POLR2K: variants seen among roughly 807,000 people sequenced by gnomAD.
POLR2K encodes DNA-directed RNA polymerases I, II, and III subunit RPABC4.
In POLR2K, 9 loss-of-function variants were observed where a neutral mutation model predicts 10.1. The ratio of observed to expected loss-of-function variants is 0.89; its 90% CI spans 0.54 to 1.56. The LOEUF is 1.56. Among genes scored for constraint, POLR2K ranks in the 40% most tolerant of loss-of-function variants. The pLI is 0.00. For missense variants in POLR2K, 53 were observed against 71.9 expected (o/e 0.74, Z 0.95); for synonymous variants, 19 against 20.3 (o/e 0.94, Z 0.17).
At chr8:100,151,472 G>T (rs1025716048) in intron 2 of POLR2K, 56 bp downstream of exon 2, 91 of 1,116,850 alleles carry the variant, frequency 8.1e-5, no homozygotes, top group Non-Finnish European at 1.1e-4. Flanking sequence ...TTTTGAAATT[G>T]TTACATTTAT....
intron 2 of POLR2K, 55 bp from the exon 3 acceptor site, chr8:100,151,769 T>C: frequency 2.5e-6 from 2 of 798,354 alleles, no homozygotes; most frequent in African/African-American, 1.7e-5. Context: ...TTAAGATAAT[T>C]TGTCTGTAAT....
At chr8:100,151,287 C>A (rs1277053929) in intron 1 of POLR2K, 60 bp from the exon 2 acceptor site, 14 of 1,070,280 alleles carry the variant, frequency 1.3e-5, no homozygotes, top group Non-Finnish European at 1.9e-5. Context: ...GAAAAATGGG[C>A]CCGGATGGAC....
Position 100,153,519 on chromosome 8 carries a change from G to T in POLR2K, c.*203G>T. 1 of 455,422 alleles carries T rather than the reference G, an allele frequency of 2.2e-6. No homozygotes were observed. Among genetic ancestry groups the T allele is most frequent in the Non-Finnish European group, 3.9e-6 (1 of 258,662 alleles). The allele number at this position is 455,422 out of a possible 1,614,324, so 28.2% of individuals were successfully genotyped here. A position where few individuals can be genotyped will look rare whatever the true frequency, so the allele number is the denominator to read the frequency against. The stretch of plus-strand genomic sequence containing the variant: ...GTTTTTTCCATATATATATACCTAT[G>T]ATAAAGTATAATGTATAAATTAAGC... On this transcript the variant is annotated 3_prime_UTR_variant, in exon 4 of 4. Transcript: ENST00000353107.
intron 2 of POLR2K, 96 bp downstream of exon 2, chr8:100,151,512 G>T: frequency 1.2e-6 from 1 of 846,418 alleles, no homozygotes. Flanking sequence ...CTGGTCTTCA[G>T]AGTTATAAAG....
At chr8:100,152,027 TA>T in intron 3 of POLR2K, 111 bp downstream of exon 3, 1 of 680,364 alleles carries the variant, frequency 1.5e-6, no homozygotes, top group Non-Finnish European at 2.6e-6. Context: ...TTACAGTACT[TA>T]AAAAACAAAC....
chr8:100,150,874 A>G (rs1814908191), intron 1 of POLR2K, among the ~76,000 whole-genome samples, 165 bp downstream of exon 1: 1 of 152,222 alleles, frequency 6.6e-6, no homozygotes, highest in South Asian at 2.1e-4. Flanking sequence ...ATGTTTAGCC[A>G]GTAGGAGTTA....
intron 3 of POLR2K, 80 bp from the exon 4 acceptor site, chr8:100,153,214 G>A (rs1814943155): frequency 3.0e-6 from 3 of 1,008,518 alleles, no homozygotes; most frequent in Admixed American, 4.3e-5. Context: ...CCAGCTTATT[G>A]CAAAGAGAAA....
At position 100,152,175 on chromosome 8, in the gene POLR2K, G is replaced by C. The variant is rs73276997; in HGVS notation, c.154+259G>C. 1,175 of 560,400 alleles carry C rather than the reference G, an allele frequency of 2.1e-3. 17 individuals are homozygous for C. In the African/African-American group the frequency reaches 0.021, roughly 10 times the overall value. 34.7% of individuals were successfully genotyped at this position (560,400 alleles called of 1,614,324 possible). A position where few individuals can be genotyped will look rare whatever the true frequency, so the allele number is the denominator to read the frequency against. On this transcript the variant is annotated intron_variant, in intron 3 of 3. Coordinates refer to ENST00000353107, the MANE Select transcript of POLR2K (RefSeq NM_005034.4). The stretch of plus-strand genomic sequence containing the variant: ...AGGATAGGGATACATTCTGAGAATT[G>C]TGTCCTTAAGCAATTTCATCATTCC...
chr8:100,152,063 T>G, intron 3 of POLR2K, 147 bp downstream of exon 3: 2 of 645,264 alleles, frequency 3.1e-6, no homozygotes, highest in Admixed American at 3.3e-5. Flanking sequence ...CATGGACCAA[T>G]GCATAGGCTC....
At chr8:100,151,466 G>A in intron 2 of POLR2K, 50 bp downstream of exon 2, 1 of 1,175,020 alleles carries the variant, frequency 8.5e-7, no homozygotes, top group South Asian at 1.2e-5. Flanking sequence ...AAGTTTTTTT[G>A]AAATTGTTAC....
chr8:100,153,473 A>C lies in POLR2K; in HGVS notation c.*157A>C. 3 of 636,736 alleles carry C rather than the reference A, an allele frequency of 4.7e-6. No individual in the cohort carries two copies. The Admixed American group carries it at 8.4e-5, about 18-fold the overall frequency. 39.4% of individuals were successfully genotyped at this position (636,736 alleles called of 1,614,324 possible). A position where few individuals can be genotyped will look rare whatever the true frequency, so the allele number is the denominator to read the frequency against. On this transcript the variant is annotated 3_prime_UTR_variant, in exon 4 of 4. Coordinates refer to ENST00000353107, the MANE Select transcript of POLR2K (RefSeq NM_005034.4). Reference sequence around the variant, plus strand: ...CCAGTGAACTCCTGAAACCTCAAACAGTACCAAACCTTTATACACTGTTTT... The same window carrying C: ...CCAGTGAACTCCTGAAACCTCAAACCGTACCAAACCTTTATACACTGTTTT...
intron 1 of POLR2K, 126 bp from the exon 2 acceptor site, chr8:100,151,221 C>A: frequency 1.4e-6 from 1 of 729,390 alleles, no homozygotes; most frequent in Non-Finnish European, 2.5e-6. Context: ...AGACCTAACC[C>A]ATAGGATTTG....
intron 2 of POLR2K, 26 bp downstream of exon 2, chr8:100,151,442 A>G (rs1814917152): frequency 7.1e-7 from 1 of 1,412,374 alleles, no homozygotes. Context: ...ACCTAAAGTA[A>G]GAATATTTTA....
rs755279387 is a variant in POLR2K at position 100,153,330 on chromosome 8, A to G, written c.*14A>G. On this transcript the variant is annotated 3_prime_UTR_variant, in exon 4 of 4. Transcript: ENST00000353107. ...GATGCTCGATGAATGCTGGGAATTC[A>G]GAGGAATGTCTTCACTTATACTTGG... 1.2e-5 allele frequency: 19 copies of G among 1,605,130 alleles called. No individual in the cohort carries two copies. In the South Asian group the frequency reaches 1.3e-4, roughly 11 times the overall value.
chr8:100,153,019 C>G (rs775272544), intron 3 of POLR2K, among the ~76,000 whole-genome samples: 4 of 152,176 alleles, frequency 2.6e-5, no homozygotes, highest in Non-Finnish European at 5.9e-5. Flanking sequence ...CCGCCCACCT[C>G]AGCCTCCCAA....
At chr8:100,151,972 G>T (rs750888268) in intron 3 of POLR2K, 56 bp downstream of exon 3, 1 of 832,570 alleles carries the variant, frequency 1.2e-6, no homozygotes, top group South Asian at 1.4e-5. Flanking sequence ...AATAATGCTG[G>T]GGTTGATAAA....
intron 1 of POLR2K, among the ~76,000 whole-genome samples, chr8:100,151,127 A>T (rs1483090924): frequency 6.6e-6 from 1 of 152,206 alleles, no homozygotes; most frequent in Non-Finnish European, 1.5e-5. Flanking sequence ...TATGAAGATT[A>T]TAATGGCCTA....
chr8:100,151,771 G>T, intron 2 of POLR2K, 53 bp from the exon 3 acceptor site: 2 of 803,240 alleles, frequency 2.5e-6, no homozygotes, highest in Non-Finnish European at 4.2e-6. Flanking sequence ...AAGATAATTT[G>T]TCTGTAATAT....
intron 1 of POLR2K, 156 bp from the exon 2 acceptor site, chr8:100,151,191 G>A: frequency 1.6e-6 from 1 of 645,104 alleles, no homozygotes; most frequent in Non-Finnish European, 2.8e-6. Flanking sequence ...CAATACTTGT[G>A]TGTATGCGTT....
Sources: gnomAD v4.1 joint callset for allele counts (sites outside exome capture counted in the v4.1 genomes callset) on GRCh38, gnomAD v4.1.1 for gene constraint, MANE v1.5 for transcripts, NCBI Gene and HGNC (gene_info 2026-07-23, HGNC 2026-07-21) for gene names.